Variants in AP2A2 observed in about 807,000 individuals in gnomAD.
AP2A2 encodes adaptor related protein complex 2 subunit alpha 2, also known as AP-2 complex subunit alpha-2.
A neutral mutation model predicts 104.2 loss-of-function variants in AP2A2; 32 were observed. That is an observed-to-expected ratio of 0.31 (90% CI 0.23 to 0.41). The LOEUF is 0.41. AP2A2 is among the 10% of genes least tolerant of loss of function. The pLI, the probability that AP2A2 is intolerant of heterozygous loss-of-function variation, is 1.00. For synonymous variants in AP2A2, 539 were observed against 533.3 expected (o/e 1.01, Z -0.15); for missense variants, 912 against 1,261.0 (o/e 0.72, Z 4.19).
intron 1 of AP2A2, among the ~76,000 whole-genome samples, chr11:935,967 T>C (rs138042678): frequency 0.028 from 4,163 of 150,810 alleles, 200 homozygotes; most frequent in African/African-American, 0.094. Context: ...AATGGCACTA[T>C]CTCGGCTCAC....
intron 2 of AP2A2, 81 bp from the exon 3 acceptor site, chr11:970,088 A>G (rs2134618394): frequency 2.0e-6 from 3 of 1,491,500 alleles, no homozygotes; most frequent in East Asian, 2.3e-5. Flanking sequence ...TGCCTGCTGT[A>G]CTGCTGCACT....
intron 1 of AP2A2, among the ~76,000 whole-genome samples, chr11:940,057 C>A (rs192948091): frequency 2.7e-5 from 4 of 146,588 alleles, no homozygotes; most frequent in South Asian, 2.2e-4. Context: ...CGGGTTCAAG[C>A]GATTCTCCTG....
At chr11:949,474 A>G (rs1195659013) in intron 1 of AP2A2, among the ~76,000 whole-genome samples, 1 of 152,106 alleles carries the variant, frequency 6.6e-6, no homozygotes, top group Non-Finnish European at 1.5e-5. Context: ...TCCAGCAACA[A>G]CGTATAAAAA....
In AP2A2 at chr11:992,203, C is replaced by T. The variant is rs1334860069; in HGVS notation, c.1270-300C>T. The stretch of plus-strand genomic sequence containing the variant: ...GGTGATGAGGTCAGAGGAGTGCTGC[C>T]GCCAGGTGCTGGGGCTTTGGGAGAG... On this transcript the variant is annotated intron_variant, in intron 10 of 21. Transcript: ENST00000448903. This position sits in a 1 kb window ranked among gnomAD's most constrained non-coding sequence, Gnocchi z 6.4. 4.6e-5 allele frequency among the ~76,000 whole-genome samples: 7 copies of T among 152,042 alleles called. No individual in the cohort carries two copies. The highest frequency in any genetic ancestry group is 7.4e-5 in the Non-Finnish European group (5 of 67,998).
At chr11:988,415 C>T (rs1187349571) in intron 9 of AP2A2, 137 bp from the exon 10 acceptor site, 27 of 1,140,968 alleles carry the variant, frequency 2.4e-5, no homozygotes, top group South Asian at 5.5e-5. Context: ...GAGTGCAGGT[C>T]GGCTCCCTGG....
chr11:945,675 G>A (rs1020484261), intron 1 of AP2A2, among the ~76,000 whole-genome samples: 2 of 152,150 alleles, frequency 1.3e-5, no homozygotes, highest in Non-Finnish European at 2.9e-5. Flanking sequence ...TTGAGGCCAG[G>A]CATGGTGGCT....
chr11:989,366 C>T (rs901144700), intron 10 of AP2A2, among the ~76,000 whole-genome samples: 22 of 152,194 alleles, frequency 1.4e-4, no homozygotes, highest in Admixed American at 1.1e-3. Context: ...CCGTCCTGCG[C>T]GGCTTCTGTG....
intron 4 of AP2A2, among the ~76,000 whole-genome samples, chr11:973,261 G>A (rs573560655): frequency 3.9e-5 from 6 of 152,318 alleles, no homozygotes; most frequent in East Asian, 1.9e-4. Flanking sequence ...GTACTGGGCC[G>A]TGTCTTGGGG....
intron 10 of AP2A2, among the ~76,000 whole-genome samples, chr11:990,403 G>A (rs1855606076): frequency 6.6e-6 from 1 of 152,186 alleles, no homozygotes; most frequent in Non-Finnish European, 1.5e-5. Flanking sequence ...GTGGGGTGGG[G>A]CTGGCTCTGG....
intron 1 of AP2A2, among the ~76,000 whole-genome samples, chr11:937,377 C>G (rs1419206344): frequency 6.6e-6 from 1 of 152,096 alleles, no homozygotes; most frequent in Non-Finnish European, 1.5e-5. Context: ...AGAAAGAGGC[C>G]TTCAGTGCCG....
Position 968,158 on chromosome 11 carries a change from A to G in AP2A2, c.137-2011A>G, listed in dbSNP as rs1179171499. Among the ~76,000 whole-genome samples, 3 of 152,076 alleles carry G rather than the reference A, an allele frequency of 2.0e-5. No homozygotes were observed. Among genetic ancestry groups the G allele is most frequent in the African/African-American group, 7.2e-5 (3 of 41,408 alleles). ...CTGCCACATGAGCAGCGGGCCGAGCACTGTGGCTTTCTCCTCGCGCTGGCG... is the reference window on the plus strand; with the variant it reads ...CTGCCACATGAGCAGCGGGCCGAGCGCTGTGGCTTTCTCCTCGCGCTGGCG... On this transcript the variant is annotated intron_variant, in intron 2 of 21. Transcript: ENST00000448903. The surrounding 1 kb of genome is among the most constrained non-coding windows in gnomAD (Gnocchi z 4.2).
rs766426297 is a variant in AP2A2, at chr11:964,674, G to GAAC, written c.136+5190_136+5192dup. On this transcript the variant is annotated intron_variant, in intron 2 of 21. Transcript: ENST00000448903. The stretch of plus-strand genomic sequence containing the variant: ...CTATTTTTTTTTAATAAAATGTTGT[G>GAAC]AACAACAACAACAACAACAACAAAA... 2.2e-3 allele frequency among the ~76,000 whole-genome samples: 335 copies of GAAC among 151,802 alleles called. 1 individual carries two copies. The highest frequency in any genetic ancestry group is 3.4e-3 in the Middle Eastern group (1 of 294).
chr11:1,010,298 C>A (rs1232588402), intron 21 of AP2A2: 1 of 580,014 alleles, frequency 1.7e-6, no homozygotes, highest in South Asian at 2.3e-5. Context: ...CAAGAACATC[C>A]CACAGCTTCT....
intron 1 of AP2A2, chr11:932,761 G>C (rs985809632): frequency 2.2e-6 from 1 of 456,182 alleles, no homozygotes; most frequent in Admixed American, 2.3e-5. Context: ...AGTGTTTTCC[G>C]TCTGGCTCCT....
intron 5 of AP2A2, among the ~76,000 whole-genome samples, chr11:979,837 G>A (rs1267810461): frequency 1.3e-5 from 2 of 152,180 alleles, no homozygotes; most frequent in Non-Finnish European, 2.9e-5. Context: ...AAAGTGCTGG[G>A]ATTACAGCAT....
chr11:978,089 G>T (rs1855111795), intron 5 of AP2A2, among the ~76,000 whole-genome samples: 1 of 152,208 alleles, frequency 6.6e-6, no homozygotes, highest in Non-Finnish European at 1.5e-5. Flanking sequence ...CCCCAGGCCT[G>T]TACCCAGAGT....
intron 14 of AP2A2, chr11:995,531 TG>T (rs1464705206): frequency 4.5e-6 from 2 of 443,166 alleles, no homozygotes; most frequent in Admixed American, 4.8e-5. Flanking sequence ...CAGGGCTTTG[TG>T]GGGTGAGCTC....
chr11:1,006,211 G>T (rs780489380), intron 16 of AP2A2, among the ~76,000 whole-genome samples: 9 of 152,234 alleles, frequency 5.9e-5, no homozygotes, highest in African/African-American at 2.2e-4. Context: ...CAGACGGGGC[G>T]TTCTGTGGGT....
At chr11:954,806 T>G (rs1275422755) in intron 1 of AP2A2, among the ~76,000 whole-genome samples, 1 of 152,164 alleles carries the variant, frequency 6.6e-6, no homozygotes, top group African/African-American at 2.4e-5. Flanking sequence ...CTGGAACTTG[T>G]CTCTGTTTCT....
Sources: allele counts gnomAD v4.1 joint callset (sites outside exome capture counted in the v4.1 genomes callset), GRCh38; gene constraint gnomAD v4.1.1; non-coding constraint Gnocchi (gnomAD v3.1); transcripts MANE v1.5; gene names NCBI Gene and HGNC (gene_info 2026-07-23, HGNC 2026-07-21).